The following PHF14 variants were observed in gnomAD, a reference collection of about 807,000 sequenced individuals.
The protein encoded by PHF14 is PHD finger protein 14.
PHF14 carries 55 observed loss-of-function variants against 117.9 expected under a neutral mutation model. The ratio of observed to expected loss-of-function variants is 0.47; its 90% CI spans 0.38 to 0.58. PHF14 has a LOEUF of 0.58. Ranked by LOEUF, PHF14 falls within the 20% of genes least tolerant of loss-of-function variation. The pLI, the probability that PHF14 is intolerant of heterozygous loss-of-function variation, is 0.00. For missense variants in PHF14, 978 were observed against 1,122.2 expected (o/e 0.87, Z 1.84); for synonymous variants, 409 against 368.6 (o/e 1.11, Z -1.26).
intron 3 of PHF14, among the ~76,000 whole-genome samples, chr7:10,984,873 A>C (rs549192924): frequency 3.9e-4 from 60 of 152,254 alleles, no homozygotes; most frequent in African/African-American, 1.4e-3. Context: ...GGGACCTTTT[A>C]TGTTTAGGTT....
At chr7:10,986,613 T>G (rs1049758529) in intron 3 of PHF14, among the ~76,000 whole-genome samples, 1 of 152,218 alleles carries the variant, frequency 6.6e-6, no homozygotes, top group African/African-American at 2.4e-5. Context: ...GTCAATAACC[T>G]TATGGCATTT....
intron 3 of PHF14, among the ~76,000 whole-genome samples, chr7:10,986,757 G>A (rs1782240241): frequency 6.6e-6 from 1 of 152,032 alleles, no homozygotes; most frequent in Non-Finnish European, 1.5e-5. Flanking sequence ...TTTTGGGGAC[G>A]GCAGTGTACT....
chr7:11,011,609 G>A (rs911713190), intron 4 of PHF14, among the ~76,000 whole-genome samples: 2 of 152,196 alleles, frequency 1.3e-5, no homozygotes, highest in Non-Finnish European at 2.9e-5. Flanking sequence ...ATTTTGAGAT[G>A]TAATAAATGT....
chr7:11,167,046 T>G (rs28384108), intron 17 of PHF14, among the ~76,000 whole-genome samples: 3,473 of 152,306 alleles, frequency 0.023, 118 homozygotes, highest in African/African-American at 0.079. Flanking sequence ...TTTATTTCAT[T>G]TAACCATGTT....
intron 7 of PHF14, among the ~76,000 whole-genome samples, 199 bp downstream of exon 7, chr7:11,029,017 A>G (rs1389832806): frequency 1.3e-5 from 2 of 152,234 alleles, no homozygotes; most frequent in Non-Finnish European, 2.9e-5. Flanking sequence ...TTCAGAAAAC[A>G]TAATTTTTAT....
intron 17 of PHF14, among the ~76,000 whole-genome samples, chr7:11,131,089 A>G (rs751402385): frequency 2.6e-5 from 4 of 151,934 alleles, no homozygotes; most frequent in Non-Finnish European, 4.4e-5. Context: ...TTTTGTACAC[A>G]ACAGTCTTGT....
chr7:11,067,238 A>G (rs1197427310), intron 16 of PHF14, among the ~76,000 whole-genome samples: 1 of 152,236 alleles, frequency 6.6e-6, no homozygotes, highest in East Asian at 1.9e-4. Flanking sequence ...CAGGAAGAGT[A>G]AATCGAAACC....
At chr7:11,007,612 A>G (rs1413099649) in intron 4 of PHF14, among the ~76,000 whole-genome samples, 4 of 152,206 alleles carry the variant, frequency 2.6e-5, no homozygotes, top group Non-Finnish European at 4.4e-5. Flanking sequence ...TTTAAAAAAC[A>G]TGGTTAAATA....
At chr7:11,135,680 T>C (rs1303174961) in intron 17 of PHF14, among the ~76,000 whole-genome samples, 1 of 152,178 alleles carries the variant, frequency 6.6e-6, no homozygotes, top group Non-Finnish European at 1.5e-5. Flanking sequence ...TAACTATAGC[T>C]TTCAATTCAT....
intron 6 of PHF14, among the ~76,000 whole-genome samples, chr7:11,025,752 G>A (rs1021110782): frequency 1.3e-5 from 2 of 151,672 alleles, no homozygotes; most frequent in African/African-American, 2.4e-5. Flanking sequence ...CCGAGATCGT[G>A]CCATTGCCCT....
chr7:10,988,320 CAAAATGGA>C (rs1562563181), intron 3 of PHF14, among the ~76,000 whole-genome samples: 2 of 152,028 alleles, frequency 1.3e-5, no homozygotes, highest in South Asian at 4.1e-4. Context: ...TTTTTCTGAG[CAAAATGGA>C]AAAATAGGAA....
At chr7:11,073,471 T>C (rs1188329279) in intron 16 of PHF14, among the ~76,000 whole-genome samples, 1 of 152,258 alleles carries the variant, frequency 6.6e-6, no homozygotes, top group Non-Finnish European at 1.5e-5. Flanking sequence ...ATGGGTGGGC[T>C]CCAAATGCTT....
At chr7:11,017,948 G>C (rs993780569) in intron 5 of PHF14, among the ~76,000 whole-genome samples, 10 of 152,066 alleles carry the variant, frequency 6.6e-5, no homozygotes, top group Non-Finnish European at 1.2e-4. Context: ...TATATGGCAA[G>C]AGATGGCGTC....
At chr7:11,055,689 CTTTA>C (rs1159686967) in intron 14 of PHF14, among the ~76,000 whole-genome samples, 2 of 152,048 alleles carry the variant, frequency 1.3e-5, no homozygotes, top group South Asian at 2.1e-4. Context: ...AAGTGGCAGT[CTTTA>C]TTTGAGAGAT....
At chr7:11,065,923 T>C (rs888914170) in intron 16 of PHF14, among the ~76,000 whole-genome samples, 1 of 152,168 alleles carries the variant, frequency 6.6e-6, no homozygotes, top group African/African-American at 2.4e-5. Context: ...TTTTATTTTG[T>C]ATTGTGGCCA....
chr7:11,142,829 A>G (rs1173943082), intron 17 of PHF14, among the ~76,000 whole-genome samples: 2 of 152,120 alleles, frequency 1.3e-5, no homozygotes, highest in Non-Finnish European at 2.9e-5. Flanking sequence ...TCAGAAACAA[A>G]TTGTTATTCT....
chr7:11,169,283 T>C, intron 17 of PHF14, 133 bp from the exon 18 acceptor site: 2 of 474,524 alleles, frequency 4.2e-6, no homozygotes, highest in Non-Finnish European at 7.6e-6. Context: ...GTTACATAAT[T>C]TTACCATTTG....
chr7:11,095,064 A>G (rs1170088406), intron 16 of PHF14, among the ~76,000 whole-genome samples: 1 of 152,196 alleles, frequency 6.6e-6, no homozygotes, highest in East Asian at 1.9e-4. Context: ...ACTGCCAGTA[A>G]TCACTACCTT....
At chr7:11,107,045 G>A in intron 16 of PHF14, 8 of 983,706 alleles carry the variant, frequency 8.1e-6, no homozygotes, top group Non-Finnish European at 8.4e-6. Context: ...TAAATTATTT[G>A]CATAGGAGGT....
Sources: gnomAD v4.1 joint callset for allele counts (sites outside exome capture counted in the v4.1 genomes callset) on GRCh38, gnomAD v4.1.1 for gene constraint, MANE v1.5 for transcripts, NCBI Gene and HGNC (gene_info 2026-07-23, HGNC 2026-07-21) for gene names.